SLC25A13: variants seen among roughly 807,000 people sequenced by gnomAD.
The protein encoded by SLC25A13 is solute carrier family 25 member 13.
SLC25A13 carries 70 observed loss-of-function variants against 85.5 expected under a neutral mutation model. That is an observed-to-expected ratio of 0.82 (90% confidence interval 0.68 to 1.00). The LOEUF (loss-of-function observed/expected upper bound fraction) is 1.00. SLC25A13 is among the 50% of genes least tolerant of loss of function. The pLI is 0.00. For synonymous variants in SLC25A13, 259 were observed against 288.7 expected, an observed-to-expected ratio of 0.90 and a Z score of 1.04; for missense variants, 765 against 819.8, an observed-to-expected ratio of 0.93 and a Z score of 0.82.
chr7:96,184,207 G>A, intron 11 of SLC25A13, 70 bp downstream of exon 11: 1 of 1,553,502 alleles, frequency 6.4e-7, no homozygotes, highest in Non-Finnish European at 8.9e-7. Flanking sequence ...ATTCATGTCA[G>A]GCACTAAGAT....
chr7:96,187,186 G>A (rs1027958280), intron 9 of SLC25A13, among the ~76,000 whole-genome samples: 4 of 152,138 alleles, frequency 2.6e-5, no homozygotes, highest in Non-Finnish European at 4.4e-5. Context: ...TATAGTCAGT[G>A]CTTAATAAAT....
intron 9 of SLC25A13, among the ~76,000 whole-genome samples, chr7:96,187,005 A>G (rs948757873): frequency 6.6e-6 from 1 of 152,002 alleles, no homozygotes; most frequent in African/African-American, 2.4e-5. Flanking sequence ...TTTTTTGTCC[A>G]TCTTTTCTAA....
chr7:96,235,335 T>C (rs945077107), intron 3 of SLC25A13, among the ~76,000 whole-genome samples: 3 of 152,166 alleles, frequency 2.0e-5, no homozygotes, highest in Non-Finnish European at 1.5e-5. Context: ...GGTTCACAGA[T>C]ATTGATTCAC....
chr7:96,207,809 C>T lies in SLC25A13; in HGVS notation c.468+1029G>A, dbSNP rs556292022. Among the ~76,000 whole-genome samples the T allele has an allele frequency of 3.3e-5, 5 of 151,990 alleles. No individual in the cohort carries two copies. The East Asian group carries it at 7.7e-4, about 24-fold the overall frequency. On this transcript the variant is annotated intron_variant, in intron 5 of 17. Coordinates refer to ENST00000265631, the MANE Select transcript of SLC25A13 (RefSeq NM_014251.3). ...TCATATGGGTGGGGGAAGGGGGTCACGAGAGAAGGGCAGCAGGGACTGGGT... is the reference window on the plus strand; with the variant it reads ...TCATATGGGTGGGGGAAGGGGGTCATGAGAGAAGGGCAGCAGGGACTGGGT...
At chr7:96,134,671 T>C (rs1792187009) in intron 14 of SLC25A13, among the ~76,000 whole-genome samples, 1 of 151,798 alleles carries the variant, frequency 6.6e-6, no homozygotes, top group Non-Finnish European at 1.5e-5. Flanking sequence ...CAGTAAATCA[T>C]GTATCCCTGT....
At chr7:96,168,745 A>C (rs1793876280) in intron 13 of SLC25A13, among the ~76,000 whole-genome samples, 1 of 152,200 alleles carries the variant, frequency 6.6e-6, no homozygotes, top group Non-Finnish European at 1.5e-5. Context: ...AACTTAAAAA[A>C]ACAACAACCC....
At chr7:96,288,661 C>G (rs1391187432) in intron 2 of SLC25A13, among the ~76,000 whole-genome samples, 2 of 152,184 alleles carry the variant, frequency 1.3e-5, no homozygotes, top group African/African-American at 4.8e-5. Flanking sequence ...CCCACGGAGC[C>G]TCGCTCATTG....
At chr7:96,289,035 G>A (rs554783422) in intron 2 of SLC25A13, among the ~76,000 whole-genome samples, 20 of 152,316 alleles carry the variant, frequency 1.3e-4, no homozygotes, top group Middle Eastern at 3.4e-3. Context: ...ACCTCACACA[G>A]CCGGGTACCC....
chr7:96,225,904 G>A (rs1467606422), intron 4 of SLC25A13, among the ~76,000 whole-genome samples: 1 of 151,976 alleles, frequency 6.6e-6, no homozygotes, highest in East Asian at 1.9e-4. Flanking sequence ...TCCGCGCTTA[G>A]AACCCGGGAA....
intron 1 of SLC25A13, among the ~76,000 whole-genome samples, chr7:96,311,696 G>A (rs1480711359): frequency 6.6e-6 from 1 of 152,018 alleles, no homozygotes; most frequent in Non-Finnish European, 1.5e-5. Context: ...CAAGAAATGG[G>A]AAAATAGAAC....
intron 13 of SLC25A13, among the ~76,000 whole-genome samples, chr7:96,155,892 CTCT>C (rs1793243533): frequency 1.3e-5 from 2 of 152,342 alleles, no homozygotes; most frequent in Non-Finnish European, 2.9e-5. Context: ...GCAGAGACTT[CTCT>C]TCAAGGTAGT....
intron 2 of SLC25A13, among the ~76,000 whole-genome samples, chr7:96,290,755 A>C (rs534592666): frequency 6.6e-6 from 1 of 152,346 alleles, no homozygotes; most frequent in African/African-American, 2.4e-5. Context: ...TGCACCCAAT[A>C]CAGGAGCACC....
At chr7:96,155,990 C>T (rs781407816) in intron 13 of SLC25A13, among the ~76,000 whole-genome samples, 2 of 152,206 alleles carry the variant, frequency 1.3e-5, no homozygotes, top group Non-Finnish European at 2.9e-5. Flanking sequence ...AAAGCAGATT[C>T]AATACAACAA....
intron 4 of SLC25A13, among the ~76,000 whole-genome samples, chr7:96,229,571 G>A (rs1029058088): frequency 1.3e-5 from 2 of 152,014 alleles, no homozygotes; most frequent in African/African-American, 4.8e-5. Flanking sequence ...CACTCTTTGG[G>A]TCCGCATTGC....
chr7:96,184,189 T>C (rs1794532363), intron 11 of SLC25A13, 88 bp downstream of exon 11: 1 of 1,482,572 alleles, frequency 6.7e-7, no homozygotes, highest in Admixed American at 1.7e-5. Context: ...TTTAACGCAG[T>C]CTTGCTAATT....
intron 15 of SLC25A13, 133 bp from the exon 16 acceptor site, chr7:96,122,130 T>A: frequency 1.7e-6 from 2 of 1,166,230 alleles, no homozygotes; most frequent in Non-Finnish European, 2.5e-6. Flanking sequence ...TGCTGTCCTC[T>A]ATGGGAAATG....
chr7:96,238,450 A>C (rs1413826589), intron 3 of SLC25A13, among the ~76,000 whole-genome samples: 1 of 151,710 alleles, frequency 6.6e-6, no homozygotes, highest in East Asian at 1.9e-4. Flanking sequence ...CAGCAGCCTG[A>C]GGAAACTAAT....
At chr7:96,168,128 A>AAAAAAAAAAAAAAAAAAAAAAAC in intron 13 of SLC25A13, among the ~76,000 whole-genome samples, 1 of 145,882 alleles carries the variant, frequency 6.9e-6, no homozygotes, top group East Asian at 2.0e-4. Context: ...AAAAAAAAAA[A>AAAAAAAAAAAAAAAAAAAAAAAC]AGCACGTGTG....
intron 1 of SLC25A13, 26 bp from the exon 2 acceptor site, chr7:96,296,977 T>C (rs753055342): frequency 3.1e-6 from 5 of 1,592,034 alleles, no homozygotes; most frequent in Non-Finnish European, 4.3e-6. Context: ...AAAATGTTTA[T>C]GTTATTACAA....
Sources: allele counts gnomAD v4.1 joint callset (sites outside exome capture counted in the v4.1 genomes callset), GRCh38; gene constraint gnomAD v4.1.1; transcripts MANE v1.5; gene names NCBI Gene and HGNC (gene_info 2026-07-23, HGNC 2026-07-21).